The following EBF3 variants were observed in gnomAD, a reference collection of about 807,000 sequenced individuals.
EBF3 encodes the protein EBF transcription factor 3, also known as transcription factor COE3.
A neutral mutation model predicts 77.1 loss-of-function variants in EBF3; 18 were observed. That is an observed-to-expected ratio of 0.23 (90% confidence interval 0.16 to 0.35). The LOEUF is 0.35. Ranked by LOEUF, EBF3 falls within the 10% of genes least tolerant of loss-of-function variation. EBF3 has a pLI of 1.00. For missense variants in EBF3, 558 were observed against 860.0 expected (o/e 0.65, Z 4.39); for synonymous variants, 350 against 343.5 (o/e 1.02, Z -0.21).
At position 129,844,591 on chromosome 10, in the gene EBF3, T is replaced by C. The variant is rs117916259; in HGVS notation, c.1129-1389A>G. Reference sequence around the variant, plus strand: ...CCCATCTCCCCCAACATGCCGACTCTGGACCCTTTATTTATCAAGATTAAT... The same window carrying C: ...CCCATCTCCCCCAACATGCCGACTCCGGACCCTTTATTTATCAAGATTAAT... On this transcript the variant is annotated intron_variant, in intron 11 of 16. Coordinates refer to ENST00000440978, the MANE Select transcript of EBF3 (RefSeq NM_001375380.1). Among the ~76,000 whole-genome samples the C allele has an allele frequency of 1.4e-3, 208 of 152,310 alleles. 1 individual carries two copies. In the East Asian group the frequency reaches 0.03, roughly 22 times the overall value.
At chr10:129,930,846 A>C (rs576963237) in intron 6 of EBF3, among the ~76,000 whole-genome samples, 1 of 148,988 alleles carries the variant, frequency 6.7e-6, no homozygotes, top group Non-Finnish European at 1.5e-5. Context: ...GTATCTGTCT[A>C]TATCTATCTC....
intron 6 of EBF3, among the ~76,000 whole-genome samples, chr10:129,928,992 G>A (rs1357731836): frequency 2.0e-5 from 3 of 152,190 alleles, no homozygotes; most frequent in Non-Finnish European, 1.5e-5. Context: ...GGTCTGGAGT[G>A]TGGGGAGTCC....
chr10:129,891,179 G>A (rs1853995958), intron 6 of EBF3, among the ~76,000 whole-genome samples: 1 of 152,146 alleles, frequency 6.6e-6, no homozygotes, highest in Admixed American at 6.5e-5. Flanking sequence ...TTTAGTCACA[G>A]TATATGGATA....
chr10:129,859,227 T>C, intron 10 of EBF3, among the ~76,000 whole-genome samples: 1 of 152,210 alleles, frequency 6.6e-6, no homozygotes, highest in East Asian at 1.9e-4. Context: ...TTTTGCTTTT[T>C]TTTTGTTTTG....
At chr10:129,880,491 A>G (rs186870439) in intron 6 of EBF3, among the ~76,000 whole-genome samples, 148 of 150,618 alleles carry the variant, frequency 9.8e-4, no homozygotes, top group African/African-American at 3.5e-3. Flanking sequence ...ATACATATGC[A>G]CACACACATA....
chr10:129,881,725 G>A (rs1355289346), intron 6 of EBF3, among the ~76,000 whole-genome samples: 1 of 152,224 alleles, frequency 6.6e-6, no homozygotes, highest in Non-Finnish European at 1.5e-5. Flanking sequence ...AGGGTCCTGT[G>A]AAGATGGACC....
rs1489967831 is a variant in EBF3, at chr10:129,840,193, C to G, written c.1759+52G>C. 7 of 1,505,508 alleles carry G rather than the reference C, an allele frequency of 4.6e-6. No homozygotes were observed. The East Asian group carries it at 1.7e-4, about 37-fold the overall frequency. The allele number at this position is 1,505,508 out of a possible 1,614,324, so 93.3% of individuals were successfully genotyped here. ...CCGAGCCCCCACCCCCACTCCCATC[C>G]CCACCCCTGGAGAGGACCCAGCACT... On this transcript the variant is annotated intron_variant, in intron 15 of 16. Transcript: ENST00000440978.
At chr10:129,908,274 T>C (rs1054127809) in intron 6 of EBF3, among the ~76,000 whole-genome samples, 4 of 152,220 alleles carry the variant, frequency 2.6e-5, no homozygotes, top group African/African-American at 9.6e-5. Context: ...GCTTTCTGTT[T>C]ATTGAAGTAA....
rs1248848068 is a variant in EBF3, at chr10:129,864,703, T to C, written c.1039+2438A>G. Among the ~76,000 whole-genome samples, 1 of 152,212 alleles carries C rather than the reference T, an allele frequency of 6.6e-6. No homozygotes were observed. The highest frequency in any genetic ancestry group is 2.4e-5 in the African/African-American group (1 of 41,452). On this transcript the variant is annotated intron_variant, in intron 10 of 16. Transcript: ENST00000440978. The surrounding 1 kb of genome is among the most constrained non-coding windows in gnomAD (Gnocchi z 4.4). ...CACATGCAAACACATGTCACTTTCA[T>C]GTCACAAACCAGGACCCCGCAGCAG...
intron 10 of EBF3, among the ~76,000 whole-genome samples, chr10:129,857,860 C>G (rs1038575443): frequency 6.6e-6 from 1 of 152,242 alleles, no homozygotes; most frequent in African/African-American, 2.4e-5. Flanking sequence ...TAGGAGAACA[C>G]TGGGAGCCAG....
In EBF3 at chr10:129,879,286, C is replaced by T. The variant is rs1589770789; in HGVS notation, c.555-1437G>A. Among the ~76,000 whole-genome samples, 1 of 152,198 alleles carries T rather than the reference C, an allele frequency of 6.6e-6. No individual in the cohort carries two copies. Among genetic ancestry groups the T allele is most frequent in the Non-Finnish European group, 1.5e-5 (1 of 68,036 alleles). On this transcript the variant is annotated intron_variant, in intron 6 of 16. Transcript: ENST00000440978. The surrounding 1 kb of genome is among the most constrained non-coding windows in gnomAD (Gnocchi z 4.7). ...TGTGCTGAAACACCCACTCTCTGCA[C>T]GTGGCCAAGCATCCTGTCCAGCAAG...
intron 6 of EBF3, among the ~76,000 whole-genome samples, chr10:129,929,604 T>C (rs1273653370): frequency 6.6e-6 from 1 of 152,162 alleles, no homozygotes; most frequent in African/African-American, 2.4e-5. Flanking sequence ...GACATTCAAA[T>C]CAGTAATGCG....
chr10:129,856,980 T>TAA (rs151111953), intron 10 of EBF3, among the ~76,000 whole-genome samples: 1 of 152,126 alleles, frequency 6.6e-6, no homozygotes, highest in Non-Finnish European at 1.5e-5. Flanking sequence ...AGTGCCTGTG[T>TAA]AAAAGCACAG....
intron 6 of EBF3, among the ~76,000 whole-genome samples, chr10:129,904,363 A>T (rs2134258013): frequency 6.6e-6 from 1 of 152,336 alleles, no homozygotes; most frequent in East Asian, 1.9e-4. Flanking sequence ...CCTCCTGCCA[A>T]ACATATTAAG....
At chr10:129,865,613 G>A (rs1314022881) in intron 10 of EBF3, among the ~76,000 whole-genome samples, 6 of 152,220 alleles carry the variant, frequency 3.9e-5, no homozygotes, top group Admixed American at 6.5e-5. Context: ...ACACCTCTGG[G>A]ACAGCAGCCC....
chr10:129,860,357 C>T (rs1415493579), intron 10 of EBF3, among the ~76,000 whole-genome samples: 1 of 152,086 alleles, frequency 6.6e-6, no homozygotes, highest in Non-Finnish European at 1.5e-5. Context: ...CCCGCCTCTG[C>T]CATCCTCAAC....
intron 6 of EBF3, among the ~76,000 whole-genome samples, chr10:129,901,031 T>G (rs1589820000): frequency 6.6e-6 from 1 of 152,216 alleles, no homozygotes; most frequent in East Asian, 1.9e-4. Context: ...CATAATTCTT[T>G]GGGCTGGTAA....
chr10:129,838,771 G>A (rs1849792187), intron 16 of EBF3, among the ~76,000 whole-genome samples: 1 of 152,224 alleles, frequency 6.6e-6, no homozygotes. Flanking sequence ...TAATACATTT[G>A]TTCATGTAGT....
chr10:129,915,879 G>A (rs938138376), intron 6 of EBF3, among the ~76,000 whole-genome samples: 3 of 152,178 alleles, frequency 2.0e-5, no homozygotes, highest in African/African-American at 4.8e-5. Context: ...GCTCCTTCCC[G>A]GGTGGCAGGG....
Sources: allele counts gnomAD v4.1 joint callset (sites outside exome capture counted in the v4.1 genomes callset), GRCh38; gene constraint gnomAD v4.1.1; non-coding constraint Gnocchi (gnomAD v3.1); transcripts MANE v1.5; gene names NCBI Gene and HGNC (gene_info 2026-07-23, HGNC 2026-07-21).